The following ABCC6 variants were observed in gnomAD, a reference collection of about 807,000 sequenced individuals.
ABCC6 encodes the protein ATP binding cassette subfamily C member 6.
A neutral mutation model predicts 169.5 loss-of-function variants in ABCC6; 126 were observed. The observed-to-expected ratio is 0.74, with a 90% CI of 0.64 to 0.86. ABCC6 has a LOEUF of 0.86. ABCC6 is among the 40% of genes least tolerant of loss of function. The pLI, the probability that ABCC6 is intolerant of heterozygous loss-of-function variation, is 0.00. For synonymous variants in ABCC6, 752 were observed against 814.7 expected (o/e 0.92, Z 1.31); for missense variants, 1,733 against 1,927.2 (o/e 0.90, Z 1.89).
chr16:16,186,634 ACCCG>A (rs1383924016), intron 14 of ABCC6, among the ~76,000 whole-genome samples: 1 of 145,118 alleles, frequency 6.9e-6, no homozygotes, highest in African/African-American at 2.6e-5. Context: ...GTCTCCCATC[ACCCG>A]CTTTGGGGCC....
At chr16:16,196,317 C>T (rs1366084601) in intron 10 of ABCC6, among the ~76,000 whole-genome samples, 1 of 152,138 alleles carries the variant, frequency 6.6e-6, no homozygotes, top group African/African-American at 2.4e-5. Flanking sequence ...AATACCATGC[C>T]TGTTTGCTTA....
In ABCC6 at chr16:16,192,941, G is replaced by T; in HGVS notation, c.1339-19C>A. 6.2e-7 allele frequency: 1 copy of T among 1,607,616 alleles called. No homozygotes were observed. Among genetic ancestry groups the T allele is most frequent in the Non-Finnish European group, 8.5e-7 (1 of 1,174,464 alleles). The stretch of plus-strand genomic sequence containing the variant: ...CCAGGAGCTGGGGATAGAAGGGGCA[G>T]GATGTCAGGAGATCCCGAGGAGCCC... On this transcript the variant is annotated intron_variant, in intron 10 of 30. Coordinates refer to ENST00000205557, the MANE Select transcript of ABCC6 (RefSeq NM_001171.6).
At chr16:16,167,616 C>A (rs573315322) in intron 22 of ABCC6, among the ~76,000 whole-genome samples, 1 of 152,178 alleles carries the variant, frequency 6.6e-6, no homozygotes, top group African/African-American at 2.4e-5. Context: ...ATTACAAACA[C>A]TGACACCATG....
rs61266641 is a variant in ABCC6 at position 16,182,807 on chromosome 16, G to A, written c.2067C>T (p.Ile689=). ...ELSKVEGFVS[I]EGAVAYVPQE... ...GACAGGCTGGGGGTGGCCTCACCTC[G>A]ATGCTCACGAACCCCTCCACCTTTG... The change falls in exon 16 of 31, where the codon ATC becomes ATT. Residue 689 remains isoleucine (I), a synonymous_variant. Coordinates refer to ENST00000205557, the MANE Select transcript of ABCC6 (RefSeq NM_001171.6). 1.3e-3 allele frequency: 2,110 copies of A among 1,613,936 alleles called. 30 individuals are homozygous for A. The African/African-American group carries it at 0.024, about 19-fold the overall frequency.
chr16:16,177,280 C>T (rs1173325249), intron 19 of ABCC6, among the ~76,000 whole-genome samples, 172 bp downstream of exon 19: 1 of 152,206 alleles, frequency 6.6e-6, no homozygotes, highest in African/African-American at 2.4e-5. Flanking sequence ...ATGATGTTAT[C>T]GGCTATTCTT....
rs1213416310 is a variant in ABCC6 at position 16,159,589 on chromosome 16, G to T, written c.3634-6C>A. ...CACTGCAGTGTCTGGGTCACCTGGT[G>T]CAAGAAAGCCTCTCTGGCTGGGTTT... On this transcript the variant is annotated splice_polypyrimidine_tract_variant and splice_region_variant and intron_variant, in intron 25 of 30. Transcript: ENST00000205557. 3 of 1,613,790 alleles carry T rather than the reference G, an allele frequency of 1.9e-6. No homozygotes were observed. The highest frequency in any genetic ancestry group is 4.5e-5 in the East Asian group (2 of 44,896).
rs139713602 is a variant in ABCC6, at chr16:16,174,304, G to GCTGTAACCAA, written c.2667-910_2667-901dup. Among the ~76,000 whole-genome samples, 1,369 of 152,294 alleles carry GCTGTAACCAA rather than the reference G, an allele frequency of 9.0e-3. 9 individuals carry two copies. Among genetic ancestry groups the GCTGTAACCAA allele is most frequent in the South Asian group, 0.036 (173 of 4,826 alleles). Reference sequence around the variant, plus strand: ...CATGTTCCAATAAAGCAAACGCTGAGCTGTAACCAATCCGGCTGTTTCTGT... The same window carrying GCTGTAACCAA: ...CATGTTCCAATAAAGCAAACGCTGAGCTGTAACCAACTGTAACCAATCCGGCTGTTTCTGT... On this transcript the variant is annotated intron_variant, in intron 20 of 30. Transcript: ENST00000205557.
intron 10 of ABCC6, among the ~76,000 whole-genome samples, chr16:16,197,502 G>C (rs2048082612): frequency 6.6e-6 from 1 of 151,144 alleles, no homozygotes; most frequent in African/African-American, 2.4e-5. Flanking sequence ...GCAGAGGGAA[G>C]AGAGGGAGGA....
At chr16:16,194,038 G>A (rs569289719) in intron 10 of ABCC6, among the ~76,000 whole-genome samples, 2 of 152,324 alleles carry the variant, frequency 1.3e-5, no homozygotes, top group South Asian at 4.1e-4. Flanking sequence ...GACAGATTGT[G>A]CACACACACG....
chr16:16,193,089 A>G (rs2047919963), intron 10 of ABCC6, among the ~76,000 whole-genome samples, 167 bp from the exon 11 acceptor site: 1 of 152,190 alleles, frequency 6.6e-6, no homozygotes, highest in African/African-American at 2.4e-5. Context: ...AGGATGAGAT[A>G]GGAGGTCGGC....
intron 27 of ABCC6, among the ~76,000 whole-genome samples, chr16:16,156,590 G>A (rs1341984067): frequency 6.6e-6 from 1 of 152,152 alleles, no homozygotes; most frequent in Admixed American, 6.6e-5. Flanking sequence ...TACCCCAAGG[G>A]AAGCTGGAAC....
chr16:16,185,669 C>T (rs1401557895), intron 14 of ABCC6, among the ~76,000 whole-genome samples: 1 of 152,178 alleles, frequency 6.6e-6, no homozygotes, highest in Non-Finnish European at 1.5e-5. Flanking sequence ...CCTGTAATCA[C>T]AGCTACTTGA....
chr16:16,155,339 C>CT (rs1270937638), intron 27 of ABCC6: 3 of 476,156 alleles, frequency 6.3e-6, no homozygotes, highest in African/African-American at 5.8e-5. Flanking sequence ...ATCTCTCATC[C>CT]TTTTTTCTAC....
chr16:16,222,581 G>GTC (rs1035948350), intron 1 of ABCC6, among the ~76,000 whole-genome samples: 1 of 151,762 alleles, frequency 6.6e-6, no homozygotes, highest in Non-Finnish European at 1.5e-5. Flanking sequence ...AGAGATGGGG[G>GTC]TCTCTCTATG....
intron 2 of ABCC6, chr16:16,221,434 C>T: frequency 6.9e-7 from 1 of 1,440,186 alleles, no homozygotes; most frequent in Non-Finnish European, 9.2e-7. Context: ...TATGTTTGCG[C>T]ATGCGTGGAT....
At chr16:16,188,759 G>T in intron 13 of ABCC6, 72 bp downstream of exon 13, 1 of 1,542,820 alleles carries the variant, frequency 6.5e-7, no homozygotes, top group South Asian at 1.2e-5. Context: ...AAATGGCAGG[G>T]GTAGGGAAGC....
chr16:16,212,675 C>G (rs1326169925), intron 5 of ABCC6, among the ~76,000 whole-genome samples: 1 of 151,650 alleles, frequency 6.6e-6, no homozygotes, highest in Non-Finnish European at 1.5e-5. Flanking sequence ...GGGGTGTAGA[C>G]CAGTGAGCTT....
chr16:16,170,273 A>G (rs1414415628), intron 21 of ABCC6, among the ~76,000 whole-genome samples: 1 of 151,720 alleles, frequency 6.6e-6, no homozygotes, highest in African/African-American at 2.4e-5. Flanking sequence ...GTTAATTTTC[A>G]TAGTTTTAAA....
rs1204647405 is a variant in ABCC6, at chr16:16,187,198, A to C, written c.1793T>G (p.Phe598Cys). 1 of 1,613,670 alleles carries C rather than the reference A, an allele frequency of 6.2e-7. No individual in the cohort carries two copies. The highest frequency in any genetic ancestry group is 8.5e-7 in the Non-Finnish European group (1 of 1,179,794). ...GCAGAGGAAGGTGACCAGACGGTCA[A>C]AGGACACCCGGGCCTAGGAAAACCG... ...IHSLVQARVS[F>C]DRLVTFLCLE... is the part of the protein sequence containing the mutation. Residue 598 changes from phenylalanine to cysteine, a missense_variant, in exon 14 of 31, where the codon TTT (phenylalanine) becomes TGT (cysteine). By Grantham distance (205) the Phe-to-Cys change is radical (BLOSUM62 -2). This residue lies in a region of ABCC6 where 1,601 missense variants were observed against 1,635.5 expected (regional missense o/e 0.98). Transcript: ENST00000205557.
Sources: gnomAD v4.1 joint callset for allele counts (sites outside exome capture counted in the v4.1 genomes callset) on GRCh38, gnomAD v4.1.1 for gene constraint, gnomAD v4.1.1 regional missense constraint, MANE v1.5 for transcripts, NCBI Gene and HGNC (gene_info 2026-07-23, HGNC 2026-07-21) for gene names.